The following HCN2 variants were observed in gnomAD, a reference collection of about 807,000 sequenced individuals.
HCN2 encodes the protein potassium/sodium hyperpolarization-activated cyclic nucleotide-gated channel 2.
HCN2 carries 20 observed loss-of-function variants against 52.3 expected under a neutral mutation model. The observed-to-expected ratio is 0.38, with a 90% CI of 0.27 to 0.56. HCN2 has a LOEUF of 0.56. Ranked by LOEUF, HCN2 falls within the 20% of genes least tolerant of loss-of-function variation. The pLI is 0.71. For missense variants in HCN2, 981 were observed against 1,207.7 expected, an observed-to-expected ratio of 0.81 and a Z score of 2.78; for synonymous variants, 694 against 537.0, an observed-to-expected ratio of 1.29 and a Z score of -4.04.
At chr19:599,029 G>A (rs149162547) in intron 1 of HCN2, among the ~76,000 whole-genome samples, 1 of 152,250 alleles carries the variant, frequency 6.6e-6, no homozygotes. Flanking sequence ...GAGGTTCTCA[G>A]GGGCTGCAGG....
In HCN2 at chr19:617,094, G is replaced by A. The variant is rs1279229191; in HGVS notation, c.*620G>A. On this transcript the variant is annotated 3_prime_UTR_variant, in exon 8 of 8. Coordinates refer to ENST00000251287, the MANE Select transcript of HCN2 (RefSeq NM_001194.4). Reference sequence around the variant, plus strand: ...GCCGAGGCAGCAGTGCCCCCACCGTGGCCCCCCACGCCCCATTAACCCCCA... The same window carrying A: ...GCCGAGGCAGCAGTGCCCCCACCGTAGCCCCCCACGCCCCATTAACCCCCA... 1 of 536,300 alleles carries A rather than the reference G, an allele frequency of 1.9e-6. No homozygotes were observed. 33.2% of individuals were successfully genotyped at this position (536,300 alleles called of 1,614,324 possible).
chr19:614,680 G>A (rs563733474), intron 7 of HCN2, among the ~76,000 whole-genome samples: 59 of 152,244 alleles, frequency 3.9e-4, no homozygotes, highest in African/African-American at 1.3e-3. Flanking sequence ...CCCAGTGGGC[G>A]GCAGGGAGAG....
In HCN2 at chr19:589,997, C is replaced by A; in HGVS notation, c.52C>A (p.Pro18Thr). The change falls in exon 1 of 8, where the codon CCC (proline) becomes ACC (threonine). Residue 18 changes from proline (P) to threonine (T), a missense_variant. Physicochemically the swap from Pro to Thr is conservative, Grantham distance 38. Around this residue, in one of 6 missense-constraint regions of HCN2, gnomAD observed 215 missense variants for 179.4 expected, o/e 1.20. Transcript: ENST00000251287. ...GCCCGGGGAGAGCCCGGGCGCGACC[C>A]CCGCGCCGGGGCCGCCGCCGCCGCC... is the stretch of plus-strand genomic sequence containing the variant. ...GRPGESPGAT[P>T]APGPPPPPPP... 5 of 717,136 alleles carry A rather than the reference C, an allele frequency of 7.0e-6. No individual in the cohort carries two copies. Among genetic ancestry groups the A allele is most frequent in the Non-Finnish European group, 8.4e-6 (5 of 597,020 alleles). 44.4% of individuals were successfully genotyped at this position (717,136 alleles called of 1,614,324 possible).
At position 608,113 on chromosome 19, in the gene HCN2, C is replaced by G. The variant is rs770695486; in HGVS notation, c.1368C>G (p.Ala456=). 2 of 1,613,366 alleles carry G rather than the reference C, an allele frequency of 1.2e-6. No individual in the cohort carries two copies. Among genetic ancestry groups the G allele is most frequent in the South Asian group, 2.2e-5 (2 of 91,086 alleles). ...LSMIVGATCY[A]MFIGHATALI... is the part of the protein sequence containing the mutation. ...TGATTGTGGGTGCCACCTGCTACGC[C>G]ATGTTCATCGGCCACGCCACTGCCC... The change falls in exon 4 of 8, where the codon GCC becomes GCG. Residue 456 remains alanine (A), a synonymous_variant. Transcript: ENST00000251287.
Position 608,731 on chromosome 19 carries a change from C to T in HCN2, c.1437+549C>T, listed in dbSNP as rs993109910. 1.4e-4 allele frequency among the ~76,000 whole-genome samples: 21 copies of T among 152,080 alleles called. 1 individual carries two copies. Among genetic ancestry groups the T allele is most frequent in the Admixed American group, 8.5e-4 (13 of 15,288 alleles). ...TGGGCCCACCTGGGGGTCTCTAGGCCGGCTCAGGATGGGGCTGGGTTAGGG... is the reference window on the plus strand; with the variant it reads ...TGGGCCCACCTGGGGGTCTCTAGGCTGGCTCAGGATGGGGCTGGGTTAGGG... On this transcript the variant is annotated intron_variant, in intron 4 of 7. Coordinates refer to ENST00000251287, the MANE Select transcript of HCN2 (RefSeq NM_001194.4).
chr19:595,305 C>G (rs1450510030), intron 1 of HCN2, among the ~76,000 whole-genome samples: 1 of 151,308 alleles, frequency 6.6e-6, no homozygotes, highest in African/African-American at 2.4e-5. Flanking sequence ...CACGGTTCAG[C>G]CTCGCACCCT....
rs1983970886 is a variant in HCN2, at chr19:616,847, A to G, written c.*373A>G. ...CCACCCTCTAGGTGGCCCCCGTCCG[A>G]GGAGGATCGTTTTCTAAGTGCAATA... On this transcript the variant is annotated 3_prime_UTR_variant, in exon 8 of 8. Coordinates refer to ENST00000251287, the MANE Select transcript of HCN2 (RefSeq NM_001194.4). 6.5e-6 allele frequency: 1 copy of G among 154,342 alleles called. No individual in the cohort carries two copies. Among genetic ancestry groups the G allele is most frequent in the Non-Finnish European group, 1.3e-5 (1 of 76,042 alleles). The allele number at this position is 154,342 out of a possible 1,614,324, so 9.6% of individuals were successfully genotyped here. A position where few individuals can be genotyped will look rare whatever the true frequency, so the allele number is the denominator to read the frequency against.
chr19:605,999 G>C (rs1983415222), intron 3 of HCN2, among the ~76,000 whole-genome samples: 1 of 152,212 alleles, frequency 6.6e-6, no homozygotes, highest in Admixed American at 6.5e-5. Context: ...GTGGAGAGAA[G>C]CTGAGTGTGG....
rs370927156 is a variant in HCN2 at position 607,711 on chromosome 19, C to T, written c.1219-253C>T. Among the ~76,000 whole-genome samples, 152 of 152,350 alleles carry T rather than the reference C, an allele frequency of 1.0e-3. No homozygotes were observed. The South Asian group carries it at 0.011, about 11-fold the overall frequency. ...CTGCAAAAGGCGGGACCCAGACTCTCGCCCTTGGGGTCTCAGTTTCCCCAG... is the reference window on the plus strand; with the variant it reads ...CTGCAAAAGGCGGGACCCAGACTCTTGCCCTTGGGGTCTCAGTTTCCCCAG... On this transcript the variant is annotated intron_variant, in intron 3 of 7. Transcript: ENST00000251287.
At position 603,797 on chromosome 19, in the gene HCN2, G is replaced by C. The variant is rs773962337; in HGVS notation, c.886G>C (p.Val296Leu). ...GCGCACGTGGTTCGTGGTGGACTTCGTGTCCTCCATCCCCGTGGACTACAT... is the reference window on the plus strand; with the variant it reads ...GCGCACGTGGTTCGTGGTGGACTTCCTGTCCTCCATCCCCGTGGACTACAT... The part of the protein sequence containing the change: ...YLRTWFVVDF[V>L]SSIPVDYIFL... Residue 296 changes from valine (V) to leucine (L), a missense_variant, in exon 2 of 8, where the codon GTG (valine) becomes CTG (leucine). Val to Leu is a conservative substitution (Grantham distance 32). This residue lies in a region of HCN2 where 282 missense variants were observed against 553.8 expected (regional missense o/e 0.51). Coordinates refer to ENST00000251287, the MANE Select transcript of HCN2 (RefSeq NM_001194.4). 6 of 1,612,758 alleles carry C rather than the reference G, an allele frequency of 3.7e-6. No individual in the cohort carries two copies. The highest frequency in any genetic ancestry group is 5.1e-6 in the Non-Finnish European group (6 of 1,179,828).
In HCN2 at chr19:617,098, C is replaced by T. The variant is rs1361385772; in HGVS notation, c.*624C>T. The T allele has an allele frequency of 9.8e-6, 5 of 507,864 alleles. No individual in the cohort carries two copies. The East Asian group carries it at 1.8e-4, about 18-fold the overall frequency. The allele number at this position is 507,864 out of a possible 1,614,324, so 31.5% of individuals were successfully genotyped here. A position where few individuals can be genotyped will look rare whatever the true frequency, so the allele number is the denominator to read the frequency against. On this transcript the variant is annotated 3_prime_UTR_variant, in exon 8 of 8. Transcript: ENST00000251287. The stretch of plus-strand genomic sequence containing the variant: ...AGGCAGCAGTGCCCCCACCGTGGCC[C>T]CCCACGCCCCATTAACCCCCACACC...
rs747888265 is a variant in HCN2, at chr19:615,935, G to A, written c.2131G>A (p.Val711Met). Residue 711 changes from valine to methionine, a missense_variant, in exon 8 of 8, where the codon GTG (valine) becomes ATG (methionine). Transcript: ENST00000251287. ...GCAGCAGGCCGAGCTGGGTCAGCGC[G>A]TGGGCCTCTTCCCGCCGCCGCCGCC... ...MVQQAELGQR[V>M]GLFPPPPPPP... The A allele has an allele frequency of 1.2e-6, 2 of 1,610,220 alleles. No homozygotes were observed. The highest frequency in any genetic ancestry group is 2.2e-5 in the East Asian group (1 of 44,804).
At position 617,044 on chromosome 19, in the gene HCN2, G is replaced by A. The variant is rs1354960763; in HGVS notation, c.*570G>A. Reference sequence around the variant, plus strand: ...GGCGCGGGGGGGAGGCTGGGGTCCCGCCGCCGTGATGAATGTACTGACGAG... The same window carrying A: ...GGCGCGGGGGGGAGGCTGGGGTCCCACCGCCGTGATGAATGTACTGACGAG... On this transcript the variant is annotated 3_prime_UTR_variant, in exon 8 of 8. Transcript: ENST00000251287. The A allele has an allele frequency of 2.0e-5, 11 of 543,854 alleles. No homozygotes were observed. The highest frequency in any genetic ancestry group is 3.0e-5 in the Non-Finnish European group (9 of 300,010). The allele number at this position is 543,854 out of a possible 1,614,324, so 33.7% of individuals were successfully genotyped here. A position where few individuals can be genotyped will look rare whatever the true frequency, so the allele number is the denominator to read the frequency against.
chr19:614,489 A>C (rs1015785167), intron 7 of HCN2, among the ~76,000 whole-genome samples: 3 of 152,066 alleles, frequency 2.0e-5, no homozygotes, highest in Non-Finnish European at 4.4e-5. Context: ...GGCTTCCCTG[A>C]GTTGGGAATG....
rs753793346 is a variant in HCN2 at position 615,971 on chromosome 19, G to A, written c.2167G>A (p.Val723Ile). ...CCCGCCGCCGCCGCCGCCGCCGCAGGTCACCTCGGCCATCGCCACGCTGCA... is the reference window on the plus strand; with the variant it reads ...CCCGCCGCCGCCGCCGCCGCCGCAGATCACCTCGGCCATCGCCACGCTGCA... The part of the protein sequence containing the change: ...LFPPPPPPPQ[V>I]TSAIATLQQA... The change falls in exon 8 of 8, where the codon GTC becomes ATC. Residue 723 changes from valine (V) to isoleucine (I), a missense_variant. Transcript: ENST00000251287. 5.7e-5 allele frequency: 91 copies of A among 1,599,874 alleles called. No individual in the cohort carries two copies. Among genetic ancestry groups the A allele is most frequent in the Non-Finnish European group, 7.1e-5 (84 of 1,175,994 alleles).
Position 611,678 on chromosome 19 carries a change from T to C in HCN2, c.1584+1273T>C, listed in dbSNP as rs1197950401. ...CAAAATGCATAAAATGCGGTGGCTT[T>C]TAGTATTAACAGAGTGCTGCACCCG... On this transcript the variant is annotated intron_variant, in intron 5 of 7. Transcript: ENST00000251287. Among the ~76,000 whole-genome samples the C allele has an allele frequency of 2.6e-5, 4 of 152,170 alleles. No individual in the cohort carries two copies. The East Asian group carries it at 7.7e-4, about 29-fold the overall frequency.
chr19:612,964 GC>G (rs1017754914), intron 5 of HCN2, among the ~76,000 whole-genome samples: 4 of 152,080 alleles, frequency 2.6e-5, no homozygotes, highest in African/African-American at 9.7e-5. Flanking sequence ...ACACGCGTGA[GC>G]CCCCGCACCC....
chr19:610,012 C>T (rs1419373641), intron 4 of HCN2, among the ~76,000 whole-genome samples: 3 of 152,232 alleles, frequency 2.0e-5, no homozygotes, highest in Admixed American at 6.5e-5. Context: ...GGAGGCCTGT[C>T]TCCCCGCTGT....
Position 610,246 on chromosome 19 carries a change from C to G in HCN2, c.1438-13C>G, listed in dbSNP as rs779841246. The stretch of plus-strand genomic sequence containing the variant: ...GGGGCGGTGTCTGACCCAGCCTCGC[C>G]TCCTCCCCACAGTACAAGCAGGTGG... On this transcript the variant is annotated splice_polypyrimidine_tract_variant and intron_variant, in intron 4 of 7. Transcript: ENST00000251287. The G allele has an allele frequency of 6.2e-7, 1 of 1,610,560 alleles. No homozygotes were observed. Among genetic ancestry groups the G allele is most frequent in the Non-Finnish European group, 8.5e-7 (1 of 1,178,076 alleles).
Sources: allele counts gnomAD v4.1 joint callset (sites outside exome capture counted in the v4.1 genomes callset), GRCh38; gene constraint gnomAD v4.1.1; regional missense constraint gnomAD v4.1.1; transcripts MANE v1.5; gene names NCBI Gene and HGNC (gene_info 2026-07-23, HGNC 2026-07-21).